REEP6: variants seen among roughly 807,000 people sequenced by gnomAD.
The protein encoded by REEP6 is receptor accessory protein 6.
REEP6 carries 19 observed loss-of-function variants against 22.4 expected under a neutral mutation model. That is an observed-to-expected ratio of 0.85 (90% CI 0.59 to 1.25). The LOEUF (loss-of-function observed/expected upper bound fraction) is 1.25, where lower values mean the gene tolerates loss of function less well. REEP6 is among the 50% of genes most tolerant of loss of function. REEP6 has a pLI of 0.00. For missense variants in REEP6, 273 were observed against 251.9 expected (o/e 1.08, Z -0.57); for synonymous variants, 121 against 113.6 (o/e 1.06, Z -0.41).
Position 1,496,459 on chromosome 19 carries a change from T to C in REEP6, c.517+6T>C. 6.2e-7 allele frequency: 1 copy of C among 1,608,076 alleles called. No homozygotes were observed. Among genetic ancestry groups the C allele is most frequent in the Non-Finnish European group, 8.5e-7 (1 of 1,176,108 alleles). ...GGCCGGAATAACCAGGAACGGTGGG[T>C]GCTCGCAGGCGCCTGGCTGCCTCAG... On this transcript the variant is annotated splice_donor_region_variant and intron_variant, in intron 4 of 4. Coordinates refer to ENST00000233596, the MANE Select transcript of REEP6 (RefSeq NM_138393.4).
chr19:1,495,316 G>A lies in REEP6; in HGVS notation c.138G>A (p.Leu46=). ...CAGGAGCCGTCACTCTGCTAAGCCT[G>A]TATCTGCTGTTCGGCTACGGAGCGT... ...LAAGAVTLLS[L]YLLFGYGASL... is the part of the protein sequence containing the mutation. The change falls in exon 2 of 5, where the codon CTG becomes CTA. Residue 46 remains leucine (L), a synonymous_variant. Coordinates refer to ENST00000233596, the MANE Select transcript of REEP6 (RefSeq NM_138393.4). The A allele has an allele frequency of 1.2e-6, 2 of 1,613,292 alleles. No individual in the cohort carries two copies. The highest frequency in any genetic ancestry group is 1.7e-6 in the Non-Finnish European group (2 of 1,180,006).
Position 1,497,545 on chromosome 19 carries a change from G to A in REEP6, c.*334G>A, listed in dbSNP as rs1260086409. ...ACCCAGCCGCCTGGTACTTCCTCCA[G>A]CCCCTCCCAGTCAGCCCTCCCGTCC... On this transcript the variant is annotated 3_prime_UTR_variant, in exon 5 of 5. Coordinates refer to ENST00000233596, the MANE Select transcript of REEP6 (RefSeq NM_138393.4). This position sits in a 1 kb window ranked among gnomAD's most constrained non-coding sequence, Gnocchi z 6.5. 3.3e-6 allele frequency: 2 copies of A among 602,956 alleles called. No individual in the cohort carries two copies. The allele number at this position is 602,956 out of a possible 1,614,324, so 37.4% of individuals were successfully genotyped here.
At chr19:1,496,544 G>T (rs772637979) in intron 4 of REEP6, 91 bp downstream of exon 4, 3 of 1,432,358 alleles carry the variant, frequency 2.1e-6, no homozygotes, top group Non-Finnish European at 2.9e-6. Context: ...GACTTTGGCC[G>T]CCCCCTCTCA....
chr19:1,494,698 CT>C (rs939160510), intron 1 of REEP6, among the ~76,000 whole-genome samples: 26 of 148,832 alleles, frequency 1.7e-4, no homozygotes, highest in East Asian at 7.8e-4. Context: ...GCAGATTACA[CT>C]TTTTTTTTTT....
At chr19:1,493,708 G>GACACACACACACACAC (rs55971424) in intron 1 of REEP6, among the ~76,000 whole-genome samples, 3,066 of 140,758 alleles carry the variant, frequency 0.022, 64 homozygotes, top group African/African-American at 0.039. Flanking sequence ...GGCTGAGCTG[G>GACACACACACACACAC]ACACACACAC....
chr19:1,497,144 G>GTCCTC lies in REEP6; in HGVS notation c.518-30_518-29insTCCTC. 36 of 1,328,052 alleles carry GTCCTC rather than the reference G, an allele frequency of 2.7e-5. No homozygotes were observed. The highest frequency in any genetic ancestry group is 6.3e-5 in the South Asian group (4 of 63,920). 82.3% of individuals were successfully genotyped at this position (1,328,052 alleles called of 1,614,324 possible). A position where few individuals can be genotyped will look rare whatever the true frequency, so the allele number is the denominator to read the frequency against. On this transcript the variant is annotated intron_variant, in intron 4 of 4. Transcript: ENST00000233596. The surrounding 1 kb of genome is among the most constrained non-coding windows in gnomAD (Gnocchi z 6.5). ...CCGGGGAGCCCAGGCCTGCCTCACG[G>GTCCTC]CCCTCCCCCACCCGCCCCTCTCTCT...
In REEP6 at chr19:1,491,303, C is replaced by T; in HGVS notation, c.34C>T (p.Leu12=). The change falls in exon 1 of 5, where the codon CTG becomes TTG. Residue 12 remains leucine (L), a synonymous_variant. Transcript: ENST00000233596. The surrounding 1 kb of genome is among the most constrained non-coding windows in gnomAD (Gnocchi z 5.4). The part of the protein sequence containing the change: ...DGLRQRVEHF[L]EQRNLVTEVL... ...CCTGAGGCAGCGCGTGGAGCACTTCCTGGAGCAAAGGAACCTGGTCACCGA... is the reference window on the plus strand; with the variant it reads ...CCTGAGGCAGCGCGTGGAGCACTTCTTGGAGCAAAGGAACCTGGTCACCGA... 12 of 1,476,102 alleles carry T rather than the reference C, an allele frequency of 8.1e-6. No individual in the cohort carries two copies. The highest frequency in any genetic ancestry group is 1.1e-5 in the Non-Finnish European group (12 of 1,115,076). The allele number at this position is 1,476,102 out of a possible 1,614,324, so 91.4% of individuals were successfully genotyped here.
At chr19:1,496,956 G>C (rs181284557) in intron 4 of REEP6, among the ~76,000 whole-genome samples, 2 of 152,300 alleles carry the variant, frequency 1.3e-5, no homozygotes, top group South Asian at 2.1e-4. Flanking sequence ...GAGTGCGTGC[G>C]TGTGCATGAC....
At chr19:1,495,958 G>C in intron 3 of REEP6, 1 of 530,634 alleles carries the variant, frequency 1.9e-6, no homozygotes, top group Non-Finnish European at 3.4e-6. Flanking sequence ...CTTAAAGGGT[G>C]TCTGATGGTG....
At position 1,496,349 on chromosome 19, in the gene REEP6, G is replaced by T; in HGVS notation, c.413G>T (p.Arg138Leu). 3 of 1,612,972 alleles carry T rather than the reference G, an allele frequency of 1.9e-6. No individual in the cohort carries two copies. The highest frequency in any genetic ancestry group is 2.5e-6 in the Non-Finnish European group (3 of 1,179,886). ...PWNGALMLYQ[R>L]VVRPLFLRHH... ...AACGGGGCTCTCATGCTGTATCAGCGCGTCGTGCGTCCGCTGTTCCTAAGG... is the reference window on the plus strand; with the variant it reads ...AACGGGGCTCTCATGCTGTATCAGCTCGTCGTGCGTCCGCTGTTCCTAAGG... Residue 138 changes from arginine to leucine, a missense_variant, in exon 4 of 5, where the codon CGC (arginine) becomes CTC (leucine). Arg to Leu is a moderately radical substitution (Grantham distance 102). Transcript: ENST00000233596.
chr19:1,495,270 C>T, intron 1 of REEP6, 24 bp from the exon 2 acceptor site: 1 of 1,607,642 alleles, frequency 6.2e-7, no homozygotes, highest in Middle Eastern at 1.7e-4. Context: ...CCAGCCCTGG[C>T]ACACCACCGC....
Position 1,496,457 on chromosome 19 carries a change from G to A in REEP6, c.517+4G>A. 1 of 1,608,224 alleles carries A rather than the reference G, an allele frequency of 6.2e-7. No individual in the cohort carries two copies. Among genetic ancestry groups the A allele is most frequent in the Non-Finnish European group, 8.5e-7 (1 of 1,176,156 alleles). On this transcript the variant is annotated splice_donor_region_variant and intron_variant, in intron 4 of 4. Coordinates refer to ENST00000233596, the MANE Select transcript of REEP6 (RefSeq NM_138393.4). ...GCGGCCGGAATAACCAGGAACGGTG[G>A]GTGCTCGCAGGCGCCTGGCTGCCTC...
rs769199117 is a variant in REEP6, at chr19:1,496,459, T to G, written c.517+6T>G. On this transcript the variant is annotated splice_donor_region_variant and intron_variant, in intron 4 of 4. Transcript: ENST00000233596. The stretch of plus-strand genomic sequence containing the variant: ...GGCCGGAATAACCAGGAACGGTGGG[T>G]GCTCGCAGGCGCCTGGCTGCCTCAG... 1.2e-6 allele frequency: 2 copies of G among 1,608,076 alleles called. No individual in the cohort carries two copies. The highest frequency in any genetic ancestry group is 1.7e-6 in the Non-Finnish European group (2 of 1,176,108).
rs2084953314 is a variant in REEP6, at chr19:1,491,940, G to C, written c.115+556G>C. On this transcript the variant is annotated intron_variant, in intron 1 of 4. Transcript: ENST00000233596. This position sits in a 1 kb window ranked among gnomAD's most constrained non-coding sequence, Gnocchi z 5.4. The stretch of plus-strand genomic sequence containing the variant: ...GACGGAGTTGGGTTGTCTGACGGCT[G>C]TGATGTGGGGAGGCTGGACTGGGGC... 6.6e-6 allele frequency among the ~76,000 whole-genome samples: 1 copy of C among 152,236 alleles called. No individual in the cohort carries two copies.
intron 3 of REEP6, chr19:1,496,025 G>A: frequency 1.8e-6 from 1 of 556,654 alleles, no homozygotes; most frequent in Admixed American, 3.3e-5. Context: ...CCCCTAAAGT[G>A]TGTCTGACGG....
chr19:1,494,099 G>T (rs954986711), intron 1 of REEP6, among the ~76,000 whole-genome samples: 9 of 152,108 alleles, frequency 5.9e-5, no homozygotes, highest in African/African-American at 2.2e-4. Flanking sequence ...AAATAAACGT[G>T]CAGAAAGGCG....
At chr19:1,492,325 C>T (rs1429399001) in intron 1 of REEP6, among the ~76,000 whole-genome samples, 1 of 152,090 alleles carries the variant, frequency 6.6e-6, no homozygotes, top group African/African-American at 2.4e-5. Context: ...CGGGGTTTCA[C>T]CATGTTGGCC....
chr19:1,492,899 C>T (rs2084978291), intron 1 of REEP6, among the ~76,000 whole-genome samples: 2 of 152,180 alleles, frequency 1.3e-5, no homozygotes, highest in African/African-American at 4.8e-5. Context: ...GGGAGCAGGT[C>T]CCTGACCTCT....
intron 3 of REEP6, chr19:1,495,944 C>T (rs2085002881): frequency 3.7e-6 from 2 of 540,024 alleles, no homozygotes; most frequent in East Asian, 6.4e-5. Flanking sequence ...TGGTGGAGGG[C>T]TCACTTAAAG....
Sources: allele counts gnomAD v4.1 joint callset (sites outside exome capture counted in the v4.1 genomes callset), GRCh38; gene constraint gnomAD v4.1.1; non-coding constraint Gnocchi (gnomAD v3.1); transcripts MANE v1.5; gene names NCBI Gene and HGNC (gene_info 2026-07-23, HGNC 2026-07-21).